PDE4D: variants seen among roughly 807,000 people sequenced by gnomAD.
PDE4D encodes 3',5'-cyclic-AMP phosphodiesterase 4D.
A neutral mutation model predicts 87.4 loss-of-function variants in PDE4D; 24 were observed. That is an observed-to-expected ratio of 0.27 (90% CI 0.20 to 0.39). PDE4D has a LOEUF of 0.39. Among genes scored for constraint, PDE4D ranks in the 10% least tolerant of loss-of-function variants. The pLI, the probability that PDE4D is intolerant of heterozygous loss-of-function variation, is 1.00. For missense variants in PDE4D, 714 were observed against 1,041.0 expected (o/e 0.69, Z 4.32); for synonymous variants, 384 against 383.2 (o/e 1.00, Z -0.02).
intron 1 of PDE4D, among the ~76,000 whole-genome samples, chr5:59,269,910 C>T (rs190035451): frequency 6.6e-6 from 1 of 151,940 alleles, no homozygotes; most frequent in African/African-American, 2.4e-5. Flanking sequence ...AATCCATTGA[C>T]CTGCCTTGCC....
chr5:60,120,637 T>C (rs1295122166), intron 2 of PDE4D, among the ~76,000 whole-genome samples: 1 of 152,196 alleles, frequency 6.6e-6, no homozygotes, highest in Admixed American at 6.5e-5. Context: ...CCCATAAAGC[T>C]GTCCAGTTCC....
chr5:59,866,048 A>G (rs1024067768), intron 1 of PDE4D, among the ~76,000 whole-genome samples: 3 of 152,210 alleles, frequency 2.0e-5, no homozygotes, highest in Non-Finnish European at 4.4e-5. Context: ...TTTACTGTGG[A>G]TTAAGTATAT....
intron 1 of PDE4D, among the ~76,000 whole-genome samples, chr5:59,378,582 C>A (rs1445415747): frequency 6.6e-6 from 1 of 152,104 alleles, no homozygotes; most frequent in African/African-American, 2.4e-5. Flanking sequence ...ATAGTTCCAA[C>A]GTTGTGTCTT....
At chr5:59,944,739 G>T in intron 3 of PDE4D, among the ~76,000 whole-genome samples, 1 of 152,126 alleles carries the variant, frequency 6.6e-6, no homozygotes, top group East Asian at 1.9e-4. Flanking sequence ...GTATCCTTCA[G>T]CACTAACCCC....
chr5:60,013,465 C>T (rs1431535461), intron 2 of PDE4D, among the ~76,000 whole-genome samples: 1 of 151,738 alleles, frequency 6.6e-6, no homozygotes, highest in East Asian at 1.9e-4. Context: ...GTGAGTACCT[C>T]GTGTGTGTGT....
chr5:59,010,796 A>G (rs534807076), intron 6 of PDE4D, among the ~76,000 whole-genome samples: 1 of 152,114 alleles, frequency 6.6e-6, no homozygotes, highest in South Asian at 2.1e-4. Context: ...AGAGTAGTGG[A>G]TCTCCCAGCA....
intron 6 of PDE4D, 135 bp downstream of exon 6, chr5:59,038,721 TCTA>T: frequency 1.3e-6 from 1 of 772,596 alleles, no homozygotes; most frequent in Non-Finnish European, 1.9e-6. Context: ...GGAACCTCCC[TCTA>T]AGGAGCAGAA....
intron 5 of PDE4D, 85 bp downstream of exon 5, chr5:59,180,510 G>C: frequency 9.9e-7 from 1 of 1,012,902 alleles, no homozygotes; most frequent in Non-Finnish European, 1.5e-6. Context: ...ATTGCAGCAT[G>C]AAATTGGTGT....
intron 1 of PDE4D, among the ~76,000 whole-genome samples, chr5:59,820,830 G>T (rs71627972): frequency 6.6e-6 from 1 of 152,118 alleles, no homozygotes; most frequent in Non-Finnish European, 1.5e-5. Context: ...CTCAGTAAGC[G>T]ATAACTACTC....
At chr5:59,229,943 C>A (rs1013091132) in intron 1 of PDE4D, among the ~76,000 whole-genome samples, 7 of 152,170 alleles carry the variant, frequency 4.6e-5, no homozygotes. Flanking sequence ...GGATTACAGG[C>A]AGGCGCCACC....
chr5:60,501,899 T>C (rs1437553694), intron 1 of PDE4D, among the ~76,000 whole-genome samples: 1 of 152,218 alleles, frequency 6.6e-6, no homozygotes, highest in Non-Finnish European at 1.5e-5. Context: ...ATTCTGGATA[T>C]TAGCCCTTTG....
intron 1 of PDE4D, among the ~76,000 whole-genome samples, chr5:59,663,919 G>A (rs1290528793): frequency 6.6e-6 from 1 of 152,118 alleles, no homozygotes; most frequent in Non-Finnish European, 1.5e-5. Flanking sequence ...CAAAATATAT[G>A]CAGGAAATGC....
intron 1 of PDE4D, chr5:60,460,724 G>T: frequency 1.3e-6 from 1 of 741,118 alleles, no homozygotes; most frequent in East Asian, 2.7e-5. Flanking sequence ...AGTGGAGACT[G>T]GCATTTGGGG....
chr5:60,277,808 T>C (rs1213629993), intron 1 of PDE4D, among the ~76,000 whole-genome samples: 3 of 152,162 alleles, frequency 2.0e-5, no homozygotes, highest in Non-Finnish European at 4.4e-5. Flanking sequence ...CTATTGGTTT[T>C]GTCATTTTAT....
chr5:59,242,350 G>T (rs1248588350), intron 1 of PDE4D, among the ~76,000 whole-genome samples: 1 of 152,138 alleles, frequency 6.6e-6, no homozygotes, highest in Non-Finnish European at 1.5e-5. Context: ...GTGACCAGGA[G>T]AATCACTATT....
chr5:59,948,752 C>T (rs1426903560), intron 3 of PDE4D, among the ~76,000 whole-genome samples: 1 of 152,156 alleles, frequency 6.6e-6, no homozygotes, highest in East Asian at 1.9e-4. Flanking sequence ...AGAAAGTTAA[C>T]ACAGGAAAGA....
At chr5:59,497,342 G>T (rs940414079) in intron 1 of PDE4D, among the ~76,000 whole-genome samples, 2 of 152,006 alleles carry the variant, frequency 1.3e-5, no homozygotes, top group African/African-American at 2.4e-5. Flanking sequence ...ACCCTAACCA[G>T]AATGAAATGT....
At chr5:59,405,716 T>G (rs1258188811) in intron 1 of PDE4D, among the ~76,000 whole-genome samples, 1 of 152,198 alleles carries the variant, frequency 6.6e-6, no homozygotes, top group African/African-American at 2.4e-5. Context: ...GTTCCTTCTA[T>G]CCTCAGTTTT....
intron 3 of PDE4D, among the ~76,000 whole-genome samples, chr5:59,931,745 A>C (rs1423721325): frequency 8.0e-6 from 1 of 125,126 alleles, no homozygotes; most frequent in Non-Finnish European, 1.6e-5. Flanking sequence ...TCTGTCGCCC[A>C]GGCTGGAGTG....
Sources: allele counts gnomAD v4.1 joint callset (sites outside exome capture counted in the v4.1 genomes callset), GRCh38; gene constraint gnomAD v4.1.1; transcripts MANE v1.5; gene names NCBI Gene and HGNC (gene_info 2026-07-23, HGNC 2026-07-21).